Variants in BFSP1 observed in about 807,000 individuals in gnomAD.
BFSP1 encodes filensin.
Under a neutral mutation model 43.9 loss-of-function variants are expected in BFSP1, and 38 were observed. The ratio of observed to expected loss-of-function variants is 0.87; its 90% CI spans 0.67 to 1.14. The LOEUF (loss-of-function observed/expected upper bound fraction) is 1.14, where lower values mean the gene tolerates loss of function less well. Among genes scored for constraint, BFSP1 ranks in the 50% most tolerant of loss-of-function variants. The pLI, the probability that BFSP1 is intolerant of heterozygous loss-of-function variation, is 0.00. For missense variants in BFSP1, 850 were observed against 875.1 expected, an observed-to-expected ratio of 0.97 and a Z score of 0.36; for synonymous variants, 352 against 354.8, an observed-to-expected ratio of 0.99 and a Z score of 0.09.
intron 5 of BFSP1, among the ~76,000 whole-genome samples, chr20:17,501,996 G>C (rs531805935): frequency 3.9e-5 from 6 of 152,278 alleles, no homozygotes; most frequent in East Asian, 1.9e-4. Flanking sequence ...TATTTGGAGA[G>C]GAAAAGAAAT....
upstream of BFSP1, among the ~76,000 whole-genome samples, chr20:17,559,447 G>C (rs1225688872): frequency 6.6e-6 from 1 of 152,206 alleles, no homozygotes; most frequent in African/African-American, 2.4e-5. Context: ...GGTCAAATTA[G>C]TCAACATCTT....
rs1039870695 is a variant in BFSP1 at position 17,494,574 on chromosome 20, C to T, written c.1498G>A (p.Ala500Thr). 6.2e-7 allele frequency: 1 copy of T among 1,614,088 alleles called. No individual in the cohort carries two copies. Among genetic ancestry groups the T allele is most frequent in the African/African-American group, 1.3e-5 (1 of 74,942 alleles). ...TAKGGVAVSVAEDSVLYDGQV... is the reference protein window; with the variant it reads ...TAKGGVAVSVTEDSVLYDGQV... ...CCGTCATAAAGCACAGAGTCTTCCGCAACAGAAACAGCCACCCCACCTTTA... is the reference window on the plus strand; with the variant it reads ...CCGTCATAAAGCACAGAGTCTTCCGTAACAGAAACAGCCACCCCACCTTTA... Residue 500 changes from alanine (A) to threonine (T), a missense_variant, in exon 8 of 8, where the codon GCG (alanine) becomes ACG (threonine). By Grantham distance (58) the Ala-to-Thr change is moderately conservative. Coordinates refer to ENST00000377873, the MANE Select transcript of BFSP1 (RefSeq NM_001195.5).
chr20:17,512,644 G>A (rs952956384), intron 3 of BFSP1, among the ~76,000 whole-genome samples: 1 of 152,168 alleles, frequency 6.6e-6, no homozygotes, highest in African/African-American at 2.4e-5. Flanking sequence ...TTGAACCTGG[G>A]GGTGGGTGGA....
intron 5 of BFSP1, among the ~76,000 whole-genome samples, chr20:17,504,969 A>G (rs575384161): frequency 6.6e-5 from 10 of 151,234 alleles, no homozygotes; most frequent in Non-Finnish European, 1.3e-4. Flanking sequence ...GAAACTCATT[A>G]CATACTGTCT....
chr20:17,564,800 G>A (rs1252299113), intron 1 of BFSP1, among the ~76,000 whole-genome samples: 1 of 152,118 alleles, frequency 6.6e-6, no homozygotes, highest in Admixed American at 6.5e-5. Flanking sequence ...TGTTAGTCAG[G>A]CTGGTCCTGA....
At chr20:17,504,917 T>C (rs987118751) in intron 5 of BFSP1, among the ~76,000 whole-genome samples, 1 of 78,892 alleles carries the variant, frequency 1.3e-5, no homozygotes, top group Non-Finnish European at 2.7e-5. Flanking sequence ...TTTTTTTTTG[T>C]TTTTGTTTTT....
Position 17,495,025 on chromosome 20 carries a change from A to T in BFSP1, c.1047T>A (p.Leu349=). ...CTGTTATATCCTGCAGAGCTCTGGTAAGATCTGGAAAAACACACAGGCAGA... is the reference window on the plus strand; with the variant it reads ...CTGTTATATCCTGCAGAGCTCTGGTTAGATCTGGAAAAACACACAGGCAGA... ...SLSTGSGGKD[L]TRALQDITAA... is the part of the protein sequence containing the mutation. The change falls in exon 8 of 8, where the codon CTT becomes CTA. Residue 349 remains leucine (L), a synonymous_variant. Transcript: ENST00000377873. 1 of 1,598,676 alleles carries T rather than the reference A, an allele frequency of 6.3e-7. No individual in the cohort carries two copies. The highest frequency in any genetic ancestry group is 8.5e-7 in the Non-Finnish European group (1 of 1,174,080).
chr20:17,561,708 T>G (rs576056842), upstream of BFSP1, among the ~76,000 whole-genome samples: 1 of 152,158 alleles, frequency 6.6e-6, no homozygotes, highest in African/African-American at 2.4e-5. Flanking sequence ...ACTCTGACCT[T>G]GATGTGTGTA....
rs1568679408 is a variant in BFSP1 at position 17,497,530 on chromosome 20, GTA to G, written c.957-509_957-508del. On this transcript the variant is annotated intron_variant, in intron 6 of 7. Coordinates refer to ENST00000377873, the MANE Select transcript of BFSP1 (RefSeq NM_001195.5). ...TATATACGTATATATATACACACAC[GTA>G]TGTATATATGTGTGTATATATGTAT... 5.4e-4 allele frequency among the ~76,000 whole-genome samples: 74 copies of G among 137,320 alleles called. 1 individual carries two copies. Among genetic ancestry groups the G allele is most frequent in the African/African-American group, 2.0e-3 (70 of 35,700 alleles). The allele number at this position is 137,320 out of a possible 152,430, so 90.1% of individuals were successfully genotyped here. A position where few individuals can be genotyped will look rare whatever the true frequency, so the allele number is the denominator to read the frequency against.
At position 17,544,601 on chromosome 20, in the gene BFSP1, A is replaced by G. The variant is rs533133165; in HGVS notation, c.2+14087T>C. On this transcript the variant is annotated intron_variant, in intron 1 of 7. Coordinates refer to the BFSP1 transcript ENST00000377868. ...GCAGTACTAAGACAAGAAATAAATT[A>G]CCTAACTTAAAAAAATCAGTATGAG... Among the ~76,000 whole-genome samples, 229 of 152,348 alleles carry G rather than the reference A, an allele frequency of 1.5e-3. 1 individual carries two copies. Among genetic ancestry groups the G allele is most frequent in the Non-Finnish European group, 2.7e-3 (182 of 68,036 alleles).
chr20:17,505,177 C>G (rs552858882), intron 5 of BFSP1, among the ~76,000 whole-genome samples: 1 of 152,190 alleles, frequency 6.6e-6, no homozygotes, highest in Non-Finnish European at 1.5e-5. Context: ...GGGGCTCTTA[C>G]GGGTATATGT....
chr20:17,537,568 C>CAAAAAAA (rs901895418), intron 1 of BFSP1, among the ~76,000 whole-genome samples: 6 of 63,816 alleles, frequency 9.4e-5, no homozygotes, highest in Non-Finnish European at 1.3e-4. Context: ...ACTGAAGCAC[C>CAAAAAAA]AAAAAAAAAA....
chr20:17,554,062 C>G (rs1458397770), intron 1 of BFSP1, among the ~76,000 whole-genome samples: 1 of 151,174 alleles, frequency 6.6e-6, no homozygotes, highest in East Asian at 1.9e-4. Context: ...ACATAAAATG[C>G]ATGATTTTCT....
intron 1 of BFSP1, among the ~76,000 whole-genome samples, chr20:17,553,119 G>T (rs1410612089): frequency 6.6e-6 from 1 of 152,178 alleles, no homozygotes; most frequent in East Asian, 1.9e-4. Context: ...GGACCAGATA[G>T]GTAGGTGGAA....
At chr20:17,538,505 G>C (rs1420570747) in intron 1 of BFSP1, among the ~76,000 whole-genome samples, 1 of 152,112 alleles carries the variant, frequency 6.6e-6, no homozygotes, top group African/African-American at 2.4e-5. Flanking sequence ...GCAAGAAAAC[G>C]CAAAAATCTT....
intron 1 of BFSP1, among the ~76,000 whole-genome samples, chr20:17,537,251 A>G (rs1403641824): frequency 6.6e-6 from 1 of 152,178 alleles, no homozygotes; most frequent in Non-Finnish European, 1.5e-5. Context: ...CCCAGGAGTA[A>G]AAGGGCAGGC....
intron 5 of BFSP1, among the ~76,000 whole-genome samples, chr20:17,501,438 G>C (rs2033797369): frequency 1.3e-5 from 2 of 152,062 alleles, no homozygotes; most frequent in Non-Finnish European, 1.5e-5. Context: ...GGTGGCTGGT[G>C]CCTGTAATCC....
At chr20:17,559,700 C>T (rs2035049778), upstream of BFSP1, among the ~76,000 whole-genome samples, 1 of 152,138 alleles carries the variant, frequency 6.6e-6, no homozygotes, top group Non-Finnish European at 1.5e-5. Context: ...AGTGGGAACC[C>T]TATTGTGGAC....
At position 17,526,735 on chromosome 20, in the gene BFSP1, A is replaced by G. The variant is rs1405050037; in HGVS notation, c.378-1827T>C. On this transcript the variant is annotated intron_variant, in intron 1 of 7. Transcript: ENST00000377873. ...AACTCTATTTTTTAATTTTTTGAGG[A>G]ACTGCCATACTGTTTTCCACAATGG... Among the ~76,000 whole-genome samples, 13 of 152,340 alleles carry G rather than the reference A, an allele frequency of 8.5e-5. No individual in the cohort carries two copies. The South Asian group carries it at 1.0e-3, about 12-fold the overall frequency.
Sources: gnomAD v4.1 joint callset for allele counts (sites outside exome capture counted in the v4.1 genomes callset) on GRCh38, gnomAD v4.1.1 for gene constraint, MANE v1.5 for transcripts, NCBI Gene and HGNC (gene_info 2026-07-23, HGNC 2026-07-21) for gene names.